CAPN3: variants seen among roughly 807,000 people sequenced by gnomAD.
CAPN3 encodes calpain-3.
CAPN3 carries 88 observed loss-of-function variants against 114.0 expected under a neutral mutation model. That is an observed-to-expected ratio of 0.77 (90% CI 0.65 to 0.92). CAPN3 has a LOEUF of 0.92. Ranked by LOEUF, CAPN3 falls within the 40% of genes least tolerant of loss-of-function variation. The probability of loss-of-function intolerance (pLI) is 0.00; values close to 1 mark genes in which losing one functional copy is unlikely to be tolerated. For missense variants in CAPN3, 1,028 were observed against 1,069.0 expected, an observed-to-expected ratio of 0.96 and a Z score of 0.53; for synonymous variants, 386 against 382.9, an observed-to-expected ratio of 1.01 and a Z score of -0.09.
In CAPN3 at chr15:42,410,422, C is replaced by G. The variant is rs1287322728; in HGVS notation, c.2116-6C>G. 2 of 1,614,048 alleles carry G rather than the reference C, an allele frequency of 1.2e-6. No homozygotes were observed. The highest frequency in any genetic ancestry group is 3.3e-5 in the Admixed American group (2 of 60,026). On this transcript the variant is annotated splice_region_variant and splice_polypyrimidine_tract_variant and intron_variant, in intron 19 of 23. Transcript: ENST00000397163. ...GTGCTGTGTAGCCCTGACCTCCCTC[C>G]TCCAGACAGATGGCTCTGGAAAGCT...
chr15:42,411,274 CA>C lies in CAPN3; in HGVS notation c.2381-12del. 6.2e-7 allele frequency: 1 copy of C among 1,612,286 alleles called. No homozygotes were observed. The highest frequency in any genetic ancestry group is 8.5e-7 in the Non-Finnish European group (1 of 1,178,284). ...GCCTGTAACTGGCCTCTGGCCTGTG[CA>C]TTCTTTCACAGGAGCTTTTCATGCA... On this transcript the variant is annotated splice_polypyrimidine_tract_variant and intron_variant, in intron 22 of 23. Transcript: ENST00000397163.
chr15:42,408,276 G>C lies in CAPN3; in HGVS notation c.1866G>C (p.Glu622Asp), dbSNP rs756319715. 6.2e-7 allele frequency: 1 copy of C among 1,613,942 alleles called. No individual in the cohort carries two copies. Among genetic ancestry groups the C allele is most frequent in the Admixed American group, 1.7e-5 (1 of 60,010 alleles). ...AGCTGGGTGTGGACCAGGAGTCAGA[G>C]GAGGGCAAAGGCAAAACAAGCCCTG... The part of the protein sequence containing the change: ...NKELGVDQES[E>D]EGKGKTSPDK... Residue 622 changes from glutamate to aspartate, a missense_variant, in exon 16 of 24, where the codon GAG becomes GAC. Physicochemically the swap from Glu to Asp is conservative, Grantham distance 45. Transcript: ENST00000397163.
intron 4 of CAPN3, among the ~76,000 whole-genome samples, 193 bp downstream of exon 4, chr15:42,388,079 T>A (rs1404830939): frequency 6.6e-6 from 1 of 152,198 alleles, no homozygotes; most frequent in Non-Finnish European, 1.5e-5. Context: ...ACATTAAATT[T>A]AAGAGTAGAA....
At chr15:42,371,886 C>A (rs547276780) in intron 1 of CAPN3, among the ~76,000 whole-genome samples, 33 of 151,646 alleles carry the variant, frequency 2.2e-4, no homozygotes, top group Admixed American at 7.2e-4. Flanking sequence ...ATCGCTTGAA[C>A]CCAGGAGACA....
chr15:42,396,727 G>A (rs2053704317), intron 8 of CAPN3, 73 bp from the exon 9 acceptor site: 1 of 1,170,614 alleles, frequency 8.5e-7, no homozygotes, highest in Non-Finnish European at 1.3e-6. Flanking sequence ...GTATTTCTCT[G>A]ATACCTCCTG....
intron 9 of CAPN3, 97 bp downstream of exon 9, chr15:42,396,974 C>A: frequency 1.1e-6 from 1 of 918,256 alleles, no homozygotes; most frequent in Non-Finnish European, 1.8e-6. Flanking sequence ...CAGATTCCAG[C>A]CCTTGGGAGA....
intron 1 of CAPN3, among the ~76,000 whole-genome samples, chr15:42,384,179 C>T (rs1491002708): frequency 6.6e-6 from 1 of 151,942 alleles, no homozygotes; most frequent in Non-Finnish European, 1.5e-5. Flanking sequence ...TTTGGGAGGC[C>T]GAGGCGGGTG....
In CAPN3 at chr15:42,402,964, C is replaced by T. The variant is rs894156945; in HGVS notation, c.1707C>T (p.Phe569=). The change falls in exon 13 of 24, where the codon TTC becomes TTT. Residue 569 remains phenylalanine, a synonymous_variant. Transcript: ENST00000397163. ...ACGAGCCCCACCAGGAGGGGGAATT[C>T]ATCCTCCGGGTCTTCTCTGAAAAGA... ...STYEPHQEGE[F]ILRVFSEKRN... 6.2e-7 allele frequency: 1 copy of T among 1,614,228 alleles called. No individual in the cohort carries two copies. The highest frequency in any genetic ancestry group is 8.5e-7 in the Non-Finnish European group (1 of 1,180,036).
chr15:42,377,439 T>C (rs1410321400), intron 1 of CAPN3, among the ~76,000 whole-genome samples: 1 of 152,250 alleles, frequency 6.6e-6, no homozygotes, highest in East Asian at 1.9e-4. Context: ...TATGGTTATA[T>C]AATTGCTTTT....
Position 42,402,124 on chromosome 15 carries a change from G to T in CAPN3, c.1525G>T (p.Val509Phe), listed in dbSNP as rs1409503203. The change falls in exon 12 of 24, where the codon GTT (valine) becomes TTT (phenylalanine). Residue 509 changes from valine (V) to phenylalanine (F), a missense_variant and splice_region_variant. Coordinates refer to ENST00000397163, the MANE Select transcript of CAPN3 (RefSeq NM_000070.3). ...LFTIGFAIYE[V>F]PKEMHGNKQH... ...ATCTTCCTTTCTGTTTCTTCTCAAGGTTCCCAAAGAGGTATAGCAGCAGCA... is the reference window on the plus strand; with the variant it reads ...ATCTTCCTTTCTGTTTCTTCTCAAGTTTCCCAAAGAGGTATAGCAGCAGCA... The T allele has an allele frequency of 6.2e-7, 1 of 1,614,052 alleles. No individual in the cohort carries two copies. Among genetic ancestry groups the T allele is most frequent in the Non-Finnish European group, 8.5e-7 (1 of 1,180,030 alleles).
At chr15:42,406,659 C>T (rs575569248) in intron 15 of CAPN3, among the ~76,000 whole-genome samples, 18 of 152,140 alleles carry the variant, frequency 1.2e-4, no homozygotes, top group Non-Finnish European at 2.6e-4. Flanking sequence ...CTGTTTACTC[C>T]AAAACCTGTG....
rs181922912 is a variant in CAPN3 at position 42,360,995 on chromosome 15, C to T, written c.309+881C>T. On this transcript the variant is annotated intron_variant, in intron 1 of 23. Coordinates refer to ENST00000397163, the MANE Select transcript of CAPN3 (RefSeq NM_000070.3). ...ACCAAAATTCCAGCTGTCTTGGAAC[C>T]TAGGGTCCTGAAGGGAAGATGGGCA... Among the ~76,000 whole-genome samples, 90 of 152,316 alleles carry T rather than the reference C, an allele frequency of 5.9e-4. 1 individual carries two copies. Among genetic ancestry groups the T allele is most frequent in the Non-Finnish European group, 4.1e-4 (28 of 68,032 alleles).
intron 3 of CAPN3, 120 bp from the exon 4 acceptor site, chr15:42,387,633 G>T: frequency 8.0e-7 from 1 of 1,243,768 alleles, no homozygotes; most frequent in Non-Finnish European, 1.2e-6. Flanking sequence ...GCACCCAGAT[G>T]CAGAGTCCAG....
At position 42,411,337 on chromosome 15, in the gene CAPN3, G is replaced by A. The variant is rs200516941; in HGVS notation, c.2431G>A (p.Val811Ile). The change falls in exon 23 of 24, where the codon GTT becomes ATT. Residue 811 changes from valine (V) to isoleucine (I), a missense_variant. Coordinates refer to ENST00000397163, the MANE Select transcript of CAPN3 (RefSeq NM_000070.3). ...KDGDGIIKLN[V>I]LEWLQLTMYA Reference sequence around the variant, plus strand: ...TGGAGATGGTATCATCAAGCTCAACGTTCTGGAGGTAAAGCATAGGCACAG... The same window carrying A: ...TGGAGATGGTATCATCAAGCTCAACATTCTGGAGGTAAAGCATAGGCACAG... 9.9e-6 allele frequency: 16 copies of A among 1,613,980 alleles called. No homozygotes were observed. Among genetic ancestry groups the A allele is most frequent in the East Asian group, 4.5e-5 (2 of 44,866 alleles).
intron 1 of CAPN3, among the ~76,000 whole-genome samples, chr15:42,379,991 T>G (rs1475652596): frequency 1.3e-5 from 2 of 152,282 alleles, no homozygotes; most frequent in East Asian, 3.9e-4. Context: ...TGGTGCATGC[T>G]TGTAATCGCA....
chr15:42,389,203 T>C, intron 5 of CAPN3, 107 bp downstream of exon 5: 1 of 1,078,178 alleles, frequency 9.3e-7, no homozygotes. Context: ...GCGAATGTTT[T>C]GTTTGAGGAA....
Position 42,359,749 on chromosome 15 carries a change from T to G in CAPN3, c.-57T>G, listed in dbSNP as rs1213080925. ...CCCCTTTGCAGTTGCTTCCTTTCCT[T>G]GAAGGTAGCTGTATCTTATTTTCTT... On this transcript the variant is annotated 5_prime_UTR_variant, in exon 1 of 24. Coordinates refer to ENST00000397163, the MANE Select transcript of CAPN3 (RefSeq NM_000070.3). 1 of 1,609,980 alleles carries G rather than the reference T, an allele frequency of 6.2e-7. No individual in the cohort carries two copies. Among genetic ancestry groups the G allele is most frequent in the Non-Finnish European group, 8.5e-7 (1 of 1,179,476 alleles).
intron 10 of CAPN3, 126 bp downstream of exon 10, chr15:42,399,778 T>C: frequency 1.2e-6 from 1 of 845,258 alleles, no homozygotes; most frequent in Admixed American, 3.0e-5. Flanking sequence ...TTCCCTGTTT[T>C]ACTGAGAAGG....
At chr15:42,381,829 C>T (rs948222832) in intron 1 of CAPN3, among the ~76,000 whole-genome samples, 1 of 152,156 alleles carries the variant, frequency 6.6e-6, no homozygotes, top group African/African-American at 2.4e-5. Flanking sequence ...TGAGTCATTG[C>T]ACCCGGCCAT....
Sources: allele counts gnomAD v4.1 joint callset (sites outside exome capture counted in the v4.1 genomes callset), GRCh38; gene constraint gnomAD v4.1.1; transcripts MANE v1.5; gene names NCBI Gene and HGNC (gene_info 2026-07-23, HGNC 2026-07-21).